Variants in IFT56 observed in about 807,000 individuals in gnomAD.
The protein encoded by IFT56 is intraflagellar transport 56.
chr7:139,188,012 C>T, the IFT56 span, among the ~76,000 whole-genome samples: 1 of 151,034 alleles, frequency 6.6e-6, no homozygotes, highest in Non-Finnish European at 1.5e-5. Flanking sequence ...TTTCTTTCAC[C>T]TTCTCATATT....
At chr7:139,174,622 A>G in the IFT56 span, among the ~76,000 whole-genome samples, 979 of 152,296 alleles carry the variant, frequency 6.4e-3, 7 homozygotes, top group African/African-American at 0.022. Flanking sequence ...CTGACAAGGG[A>G]TTAATAATCA....
the IFT56 span, among the ~76,000 whole-genome samples, chr7:139,184,342 G>A: frequency 2.6e-5 from 4 of 152,292 alleles, no homozygotes; most frequent in African/African-American, 7.2e-5. Flanking sequence ...AGTCCCTGTT[G>A]CATTTGCAGG....
the IFT56 span, among the ~76,000 whole-genome samples, chr7:139,141,256 G>GA: frequency 5.9e-3 from 755 of 127,810 alleles, 1 homozygote; most frequent in Non-Finnish European, 9.6e-3. Context: ...ACAAGACTCT[G>GA]AAAAAAAAAA....
chr7:139,178,511 T>G, the IFT56 span: 1 of 1,613,480 alleles, frequency 6.2e-7, no homozygotes. Context: ...GGGATGTTTT[T>G]CAGAGTTACT....
the IFT56 span, among the ~76,000 whole-genome samples, chr7:139,149,371 G>A: frequency 1.1e-4 from 16 of 150,606 alleles, no homozygotes; most frequent in Non-Finnish European, 2.1e-4. Flanking sequence ...GTAATCATCA[G>A]TTCCTATCAG....
the IFT56 span, among the ~76,000 whole-genome samples, chr7:139,159,237 AT>A: frequency 6.6e-6 from 1 of 152,160 alleles, no homozygotes; most frequent in Non-Finnish European, 1.5e-5. Context: ...GGTTTGGAAG[AT>A]TTTAAATTAC....
At chr7:139,135,277 CA>C in the IFT56 span, among the ~76,000 whole-genome samples, 3,703 of 62,926 alleles carry the variant, frequency 0.059, 153 homozygotes, top group East Asian at 0.18. Context: ...GACTCCGTCT[CA>C]AAAAAAAAAA....
At chr7:139,164,342 G>A in the IFT56 span, among the ~76,000 whole-genome samples, 1 of 152,204 alleles carries the variant, frequency 6.6e-6, no homozygotes, top group Non-Finnish European at 1.5e-5. Flanking sequence ...GCTCAGAAAG[G>A]TTATATAAAT....
chr7:139,139,521 T>C, the IFT56 span, among the ~76,000 whole-genome samples: 1 of 152,196 alleles, frequency 6.6e-6, no homozygotes, highest in East Asian at 1.9e-4. Context: ...TGGAGTGTAT[T>C]AAAGCCATCA....
At chr7:139,141,747 G>GTCCA in the IFT56 span, among the ~76,000 whole-genome samples, 132 of 152,316 alleles carry the variant, frequency 8.7e-4, 1 homozygote, top group African/African-American at 3.1e-3. Context: ...GCCTGTTTCA[G>GTCCA]GATGGCACAT....
the IFT56 span, among the ~76,000 whole-genome samples, chr7:139,137,435 A>G: frequency 6.6e-6 from 1 of 152,210 alleles, no homozygotes; most frequent in Non-Finnish European, 1.5e-5. Context: ...ACGGAGGGTG[A>G]CAACACGGGC....
the IFT56 span, chr7:139,189,631 T>A: frequency 4.6e-6 from 2 of 430,768 alleles, no homozygotes; most frequent in Non-Finnish European, 8.5e-6. Context: ...TGACCCTGTA[T>A]GATCCTAGTA....
At chr7:139,133,913 G>C in the IFT56 span, 2 of 1,610,410 alleles carry the variant, frequency 1.2e-6, no homozygotes, top group East Asian at 4.5e-5. Flanking sequence ...TGAGGCTGGC[G>C]ATTAGAGGTT....
At chr7:139,187,645 T>A in the IFT56 span, 7 of 1,366,016 alleles carry the variant, frequency 5.1e-6, no homozygotes, top group Admixed American at 1.6e-4. Flanking sequence ...ATTATAATGA[T>A]GTTTTAGAAT....
the IFT56 span, among the ~76,000 whole-genome samples, chr7:139,167,922 C>A: frequency 7.3e-6 from 1 of 137,708 alleles, no homozygotes; most frequent in African/African-American, 2.8e-5. Flanking sequence ...GCCTGGGCGA[C>A]AGAGCAAGAC....
chr7:139,168,474 T>A, the IFT56 span: 1 of 1,095,564 alleles, frequency 9.1e-7, no homozygotes, highest in Non-Finnish European at 1.4e-6. Context: ...ACTATCAAAG[T>A]GCAAGCAGCA....
chr7:139,190,778 G>A, the IFT56 span: 1 of 152,118 alleles, frequency 6.6e-6, no homozygotes, highest in African/African-American at 2.4e-5. Context: ...ATCTTTCTAT[G>A]TTTTATACTA....
the IFT56 span, chr7:139,173,172 A>G: frequency 6.6e-6 from 4 of 607,010 alleles, no homozygotes; most frequent in South Asian, 2.1e-5. Context: ...CCTGGATCGT[A>G]TTAGTGTTTA....
At chr7:139,188,194 G>C in the IFT56 span, among the ~76,000 whole-genome samples, 11 of 150,326 alleles carry the variant, frequency 7.3e-5, no homozygotes, top group African/African-American at 2.7e-4. Flanking sequence ...TCTGCCTCCC[G>C]GGTTCAAGTG....
Sources: gnomAD v4.1 joint callset for allele counts (sites outside exome capture counted in the v4.1 genomes callset) on GRCh38, gnomAD v4.1.1 for gene constraint, MANE v1.5 for transcripts, NCBI Gene and HGNC (gene_info 2026-07-23, HGNC 2026-07-21) for gene names.